The following CCDC102B variants were observed in gnomAD, a reference collection of about 807,000 sequenced individuals.
CCDC102B encodes coiled-coil domain containing 102B.
In CCDC102B, 75 loss-of-function variants were observed where a neutral mutation model predicts 57.4. The ratio of observed to expected loss-of-function variants is 1.31; its 90% CI spans 1.08 to 1.58. CCDC102B has a LOEUF of 1.58. Among genes scored for constraint, CCDC102B ranks in the 40% most tolerant of loss-of-function variants. The pLI is 0.00. For missense variants in CCDC102B, 636 were observed against 582.6 expected (o/e 1.09, Z -0.94); for synonymous variants, 206 against 201.9 (o/e 1.02, Z -0.17).
chr18:68,881,499 A>T (rs2039690867), intron 5 of CCDC102B, among the ~76,000 whole-genome samples: 1 of 152,162 alleles, frequency 6.6e-6, no homozygotes, highest in African/African-American at 2.4e-5. Context: ...GTCTGTGAGG[A>T]TGTTTCAGGA....
At chr18:68,764,349 A>G (rs1175039891) in intron 2 of CCDC102B, among the ~76,000 whole-genome samples, 1 of 152,176 alleles carries the variant, frequency 6.6e-6, no homozygotes, top group Non-Finnish European at 1.5e-5. Flanking sequence ...TTATCTGTGC[A>G]ACAACCCTAT....
At chr18:68,963,816 T>C (rs1334876471) in intron 6 of CCDC102B, among the ~76,000 whole-genome samples, 1 of 151,920 alleles carries the variant, frequency 6.6e-6, no homozygotes, top group African/African-American at 2.4e-5. Context: ...TGTATGTATG[T>C]ATGTATGTAT....
At chr18:68,772,598 C>T (rs974668502) in intron 2 of CCDC102B, among the ~76,000 whole-genome samples, 1 of 152,104 alleles carries the variant, frequency 6.6e-6, no homozygotes, top group Non-Finnish European at 1.5e-5. Context: ...TAAAATTAAA[C>T]TGTCCTATTT....
At chr18:69,027,316 G>A (rs1425533077) in intron 7 of CCDC102B, among the ~76,000 whole-genome samples, 2 of 152,074 alleles carry the variant, frequency 1.3e-5, no homozygotes, top group Admixed American at 6.6e-5. Context: ...TCTGCTTCTT[G>A]ACATTATTAA....
intron 2 of CCDC102B, among the ~76,000 whole-genome samples, chr18:68,732,859 G>A (rs2032945890): frequency 6.6e-6 from 1 of 152,090 alleles, no homozygotes. Flanking sequence ...ACAGACCAGG[G>A]ACCATCATGG....
Position 68,836,790 on chromosome 18 carries a change from A to C in CCDC102B, c.27A>C (p.Leu9Phe). 6.2e-7 allele frequency: 1 copy of C among 1,613,480 alleles called. No individual in the cohort carries two copies. Residue 9 changes from leucine (L) to phenylalanine (F), a missense_variant, in exon 2 of 8, where the codon TTA (leucine) becomes TTC (phenylalanine). Physicochemically the swap from Leu to Phe is conservative, Grantham distance 22. Coordinates refer to ENST00000360242, the MANE Select transcript of CCDC102B (RefSeq NM_024781.3). ...TGAATTTAGATTCCATACATCGATTAATTGAGGAAACACAGATCTTCCAGA... is the reference window on the plus strand; with the variant it reads ...TGAATTTAGATTCCATACATCGATTCATTGAGGAAACACAGATCTTCCAGA... MNLDSIHRLIEETQIFQMQ... is the reference protein window; with the variant it reads MNLDSIHRFIEETQIFQMQ...
chr18:68,920,420 C>A (rs911938388), intron 6 of CCDC102B, among the ~76,000 whole-genome samples: 4 of 152,080 alleles, frequency 2.6e-5, no homozygotes, highest in South Asian at 4.1e-4. Context: ...TATTAAAAGA[C>A]ATTAGGTCCA....
chr18:68,782,304 G>A (rs10503122), intron 2 of CCDC102B, among the ~76,000 whole-genome samples: 9,802 of 151,730 alleles, frequency 0.065, 592 homozygotes, highest in African/African-American at 0.16. Flanking sequence ...CTTTGTCCTT[G>A]TTGTGTAGGA....
intron 2 of CCDC102B, among the ~76,000 whole-genome samples, chr18:68,764,633 T>A (rs1288251515): frequency 6.6e-6 from 1 of 152,160 alleles, no homozygotes; most frequent in Non-Finnish European, 1.5e-5. Flanking sequence ...TGCCAGTGTA[T>A]CTCTTATAAC....
At chr18:68,732,345 T>C (rs1942337132) in intron 2 of CCDC102B, among the ~76,000 whole-genome samples, 1 of 151,378 alleles carries the variant, frequency 6.6e-6, no homozygotes, top group African/African-American at 2.4e-5. Context: ...CCTTCTTTTT[T>C]TTTCTCTCTC....
intron 6 of CCDC102B, among the ~76,000 whole-genome samples, chr18:68,956,395 T>TAA (rs1568352048): frequency 1.7e-3 from 82 of 48,628 alleles, no homozygotes; most frequent in East Asian, 7.8e-3. Flanking sequence ...ATAATATATA[T>TAA]ATAAATATAT....
At chr18:68,781,543 A>G (rs2035008329) in intron 2 of CCDC102B, among the ~76,000 whole-genome samples, 1 of 152,162 alleles carries the variant, frequency 6.6e-6, no homozygotes, top group South Asian at 2.1e-4. Flanking sequence ...CCAAGAATTA[A>G]TGGGAGAAGT....
At chr18:68,839,275 T>A (rs1048071243) in intron 3 of CCDC102B, among the ~76,000 whole-genome samples, 4 of 152,192 alleles carry the variant, frequency 2.6e-5, no homozygotes, top group African/African-American at 9.6e-5. Flanking sequence ...TAAAAATGAA[T>A]AAATATGTTA....
chr18:68,741,850 G>C (rs1315464150), intron 2 of CCDC102B, among the ~76,000 whole-genome samples: 1 of 152,210 alleles, frequency 6.6e-6, no homozygotes, highest in African/African-American at 2.4e-5. Context: ...ACTGAGGTCA[G>C]TGATGGGGAA....
chr18:68,753,714 C>G (rs1294714927), intron 2 of CCDC102B: 2 of 150,892 alleles, frequency 1.3e-5, no homozygotes, highest in African/African-American at 4.9e-5. Flanking sequence ...CTGCATTTGG[C>G]TAATTATTAT....
At chr18:68,836,660 CA>C (rs56673640) in intron 1 of CCDC102B, 88 bp from the exon 2 acceptor site, 24,516 of 679,710 alleles carry the variant, frequency 0.036, 72 homozygotes, top group African/African-American at 0.071. Context: ...CATCAATTTT[CA>C]AAAAAAAAAA....
intron 6 of CCDC102B, among the ~76,000 whole-genome samples, chr18:68,978,977 A>G: frequency 6.6e-6 from 1 of 152,192 alleles, no homozygotes; most frequent in Non-Finnish European, 1.5e-5. Flanking sequence ...GAAATATTAT[A>G]TACAGTGTTG....
At chr18:69,011,127 G>A (rs769923611) in intron 7 of CCDC102B, 23 bp downstream of exon 7, 2 of 1,596,834 alleles carry the variant, frequency 1.3e-6, no homozygotes, top group East Asian at 2.2e-5. Flanking sequence ...GAGTGAACAC[G>A]TGCTGGACAG....
intron 4 of CCDC102B, among the ~76,000 whole-genome samples, chr18:68,866,063 G>A (rs879449905): frequency 6.6e-6 from 1 of 151,636 alleles, no homozygotes; most frequent in Non-Finnish European, 1.5e-5. Flanking sequence ...CAAATTAATT[G>A]AAAAAAAGTT....
Sources: allele counts gnomAD v4.1 joint callset (sites outside exome capture counted in the v4.1 genomes callset), GRCh38; gene constraint gnomAD v4.1.1; transcripts MANE v1.5; gene names NCBI Gene and HGNC (gene_info 2026-07-23, HGNC 2026-07-21).